Variants in IVD observed in about 807,000 individuals in gnomAD.
IVD encodes the protein isovaleryl-CoA dehydrogenase.
A neutral mutation model predicts 51.3 loss-of-function variants in IVD; 31 were observed. The ratio of observed to expected loss-of-function variants is 0.60; its 90% CI spans 0.45 to 0.81. IVD has a LOEUF of 0.81. Among genes scored for constraint, IVD ranks in the 40% least tolerant of loss-of-function variants. IVD has a pLI of 0.00. For synonymous variants in IVD, 205 were observed against 219.4 expected (o/e 0.93, Z 0.58); for missense variants, 475 against 552.0 (o/e 0.86, Z 1.40).
At chr15:40,424,185 C>T (rs886570420), downstream of IVD, 3 of 1,288,192 alleles carry the variant, frequency 2.3e-6, no homozygotes, top group Non-Finnish European at 3.0e-6. Flanking sequence ...CTATCAAGCT[C>T]CCCGCAAATT....
chr15:40,411,075 A>G, intron 4 of IVD, among the ~76,000 whole-genome samples, 185 bp from the exon 5 acceptor site: 1 of 152,264 alleles, frequency 6.6e-6, no homozygotes, highest in East Asian at 1.9e-4. Flanking sequence ...AGGGAATGGA[A>G]AAAGGAGAGG....
intron 11 of IVD, among the ~76,000 whole-genome samples, chr15:40,416,742 C>G (rs1891729897): frequency 6.6e-6 from 1 of 152,124 alleles, no homozygotes; most frequent in Non-Finnish European, 1.5e-5. Context: ...TCACTATGTG[C>G]TTATGCTAGG....
At chr15:40,427,249 C>G (rs994210398), downstream of IVD, among the ~76,000 whole-genome samples, 7 of 152,236 alleles carry the variant, frequency 4.6e-5, no homozygotes, top group African/African-American at 1.7e-4. Flanking sequence ...AGCTCCAGAT[C>G]CAGATCCATT....
chr15:40,428,496 G>A (rs997682215), downstream of IVD, among the ~76,000 whole-genome samples: 1 of 152,122 alleles, frequency 6.6e-6, no homozygotes, highest in African/African-American at 2.4e-5. Context: ...CCCTCCCTAG[G>A]AGGCTGCTTG....
At chr15:40,409,131 T>C (rs1219708767) in intron 3 of IVD, among the ~76,000 whole-genome samples, 1 of 152,226 alleles carries the variant, frequency 6.6e-6, no homozygotes, top group Admixed American at 6.5e-5. Flanking sequence ...TGCTGGGTAC[T>C]CCTAAGCAAG....
downstream of IVD, chr15:40,424,244 T>C: frequency 8.1e-7 from 1 of 1,234,992 alleles, no homozygotes; most frequent in Non-Finnish European, 1.1e-6. Context: ...GCAAGGCAAA[T>C]ATGACTCTGA....
chr15:40,424,033 C>T, downstream of IVD: 1 of 643,414 alleles, frequency 1.6e-6, no homozygotes, highest in Non-Finnish European at 2.2e-6. Flanking sequence ...AATTTGGCCT[C>T]TTTCCCTCAC....
chr15:40,414,793 C>T (rs1261789289), intron 7 of IVD, 96 bp from the exon 8 acceptor site: 2 of 1,558,812 alleles, frequency 1.3e-6, no homozygotes, highest in Non-Finnish European at 1.7e-6. Flanking sequence ...ATTTTAGTGC[C>T]TTACTTGAGA....
chr15:40,415,215 C>A (rs1891528566), intron 8 of IVD, 186 bp from the exon 9 acceptor site: 3 of 729,498 alleles, frequency 4.1e-6, no homozygotes, highest in Non-Finnish European at 7.0e-6. Flanking sequence ...GCTTACTCGG[C>A]TGTGAAACGA....
chr15:40,426,668 T>C (rs1817292041), downstream of IVD, among the ~76,000 whole-genome samples: 1 of 152,162 alleles, frequency 6.6e-6, no homozygotes, highest in Non-Finnish European at 1.5e-5. Context: ...TCAACCTTAC[T>C]AGATAATTCA....
downstream of IVD, among the ~76,000 whole-genome samples, chr15:40,425,841 A>G (rs1892640493): frequency 6.6e-6 from 1 of 151,876 alleles, no homozygotes; most frequent in Non-Finnish European, 1.5e-5. Flanking sequence ...ACAGGGCCTC[A>G]CTTTGTCACC....
chr15:40,424,276 T>G, downstream of IVD: 1 of 974,364 alleles, frequency 1.0e-6, no homozygotes, highest in Non-Finnish European at 1.4e-6. Flanking sequence ...CTTCCCCTTC[T>G]GCTGCTTCCC....
chr15:40,414,843 A>G (rs779852273), intron 7 of IVD, 46 bp from the exon 8 acceptor site: 3 of 1,611,826 alleles, frequency 1.9e-6, no homozygotes, highest in East Asian at 4.5e-5. Flanking sequence ...AAAAGTGAGG[A>G]GGCTGTGGAC....
downstream of IVD, chr15:40,421,386 A>G (rs76457309): frequency 1.9e-4 from 184 of 985,462 alleles, 1 homozygote; most frequent in African/African-American, 2.8e-3. Flanking sequence ...GGTTGCCTAC[A>G]TGCATTGGGC....
chr15:40,414,214 C>T (rs150524496), intron 7 of IVD, among the ~76,000 whole-genome samples: 57 of 152,286 alleles, frequency 3.7e-4, no homozygotes, highest in African/African-American at 1.3e-3. Flanking sequence ...CCATATACCA[C>T]GCCTATCACT....
intron 8 of IVD, 136 bp downstream of exon 8, chr15:40,415,118 A>G: frequency 1.0e-6 from 1 of 981,624 alleles, no homozygotes; most frequent in Non-Finnish European, 1.5e-6. Flanking sequence ...TGGGAGATGA[A>G]AGGAACCTCC....
At chr15:40,413,391 C>G (rs1331500651) in intron 7 of IVD, among the ~76,000 whole-genome samples, 2 of 152,194 alleles carry the variant, frequency 1.3e-5, no homozygotes, top group Non-Finnish European at 2.9e-5. Flanking sequence ...TTCGCCCATC[C>G]ACTGCATGTG....
chr15:40,414,102 A>G (rs1891392247), intron 7 of IVD, among the ~76,000 whole-genome samples: 1 of 151,830 alleles, frequency 6.6e-6, no homozygotes. Context: ...CAGGTGATCC[A>G]CCTGTCTCAG....
At chr15:40,413,415 C>T (rs1428735592) in intron 7 of IVD, among the ~76,000 whole-genome samples, 1 of 152,172 alleles carries the variant, frequency 6.6e-6, no homozygotes, top group African/African-American at 2.4e-5. Context: ...AACTCATTAA[C>T]TCACGTTTTT....
Sources: gnomAD v4.1 joint callset for allele counts (sites outside exome capture counted in the v4.1 genomes callset) on GRCh38, gnomAD v4.1.1 for gene constraint, MANE v1.5 for transcripts, NCBI Gene and HGNC (gene_info 2026-07-23, HGNC 2026-07-21) for gene names.